KIF21B: variants seen among roughly 807,000 people sequenced by gnomAD.
The protein encoded by KIF21B is kinesin-like protein KIF21B.
Under a neutral mutation model 192.9 loss-of-function variants are expected in KIF21B, and 85 were observed. The ratio of observed to expected loss-of-function variants is 0.44; its 90% CI spans 0.37 to 0.53. The LOEUF is 0.53. KIF21B is among the 20% of genes least tolerant of loss of function. The pLI is 0.00. For missense variants in KIF21B, 1,716 were observed against 2,194.8 expected (o/e 0.78, Z 4.36); for synonymous variants, 832 against 884.6 (o/e 0.94, Z 1.05).
At chr1:201,004,708 G>T in intron 6 of KIF21B, 58 bp downstream of exon 6, 1 of 1,603,854 alleles carries the variant, frequency 6.2e-7, no homozygotes, top group Non-Finnish European at 8.5e-7. Flanking sequence ...CAGGGCCTTG[G>T]AGGGGTCTGA....
In KIF21B at chr1:200,975,314, C is replaced by T. The variant is rs117653405; in HGVS notation, c.4614+185G>A. Among the ~76,000 whole-genome samples the T allele has an allele frequency of 3.2e-4, 49 of 152,150 alleles. No homozygotes were observed. The East Asian group carries it at 8.9e-3, about 28-fold the overall frequency. ...AGGGAGATGTGGCATCAGGAGAGGCCGCGGGTAGGGAAGAAGGGAGGATGG... is the reference window on the plus strand; with the variant it reads ...AGGGAGATGTGGCATCAGGAGAGGCTGCGGGTAGGGAAGAAGGGAGGATGG... On this transcript the variant is annotated intron_variant, in intron 33 of 34. Transcript: ENST00000461742. This position sits in a 1 kb window ranked among gnomAD's most constrained non-coding sequence, Gnocchi z 4.3.
intron 6 of KIF21B, 100 bp from the exon 7 acceptor site, chr1:201,004,555 C>G (rs1286813408): frequency 8.4e-7 from 1 of 1,184,626 alleles, no homozygotes; most frequent in Non-Finnish European, 1.2e-6. Flanking sequence ...CTCTTTGGCC[C>G]CAGCAGCCCT....
chr1:201,011,722 G>C (rs1214100733), intron 1 of KIF21B, among the ~76,000 whole-genome samples: 1 of 152,196 alleles, frequency 6.6e-6, no homozygotes, highest in Non-Finnish European at 1.5e-5. Flanking sequence ...CCAAGTGCCT[G>C]GCCTGGGCAG....
chr1:201,005,273 C>G, intron 5 of KIF21B, 35 bp downstream of exon 5: 1 of 1,537,972 alleles, frequency 6.5e-7, no homozygotes, highest in Middle Eastern at 1.9e-4. Context: ...ACCCCTGCAG[C>G]AAGCTGGCTC....
intron 9 of KIF21B, chr1:201,001,827 C>CT (rs1657516570): frequency 3.0e-6 from 1 of 330,092 alleles, no homozygotes; most frequent in Non-Finnish European, 5.7e-6. Flanking sequence ...GAAACAAATA[C>CT]TGAGAAAGGT....
intron 5 of KIF21B, 58 bp from the exon 6 acceptor site, chr1:201,004,991 G>T: frequency 6.4e-7 from 1 of 1,554,852 alleles, no homozygotes; most frequent in South Asian, 1.2e-5. Flanking sequence ...TGGCTCCCCT[G>T]ATCACAGTAC....
Position 201,000,331 on chromosome 1 carries a change from G to C in KIF21B, c.1685+59C>G. 1 of 1,472,530 alleles carries C rather than the reference G, an allele frequency of 6.8e-7. No homozygotes were observed. The highest frequency in any genetic ancestry group is 9.1e-7 in the Non-Finnish European group (1 of 1,104,340). 91.2% of individuals were successfully genotyped at this position (1,472,530 alleles called of 1,614,324 possible). A position where few individuals can be genotyped will look rare whatever the true frequency, so the allele number is the denominator to read the frequency against. ...TGGGCAGCAGTCCTCCTTGGGGACG[G>C]GCAGGGTCCACTGGGGCGGTCTGAG... is the stretch of plus-strand genomic sequence containing the variant. On this transcript the variant is annotated intron_variant, in intron 11 of 34. Coordinates refer to ENST00000461742, the MANE Select transcript of KIF21B (RefSeq NM_001252102.2). This position sits in a 1 kb window ranked among gnomAD's most constrained non-coding sequence, Gnocchi z 6.0.
chr1:200,996,337 C>A lies in KIF21B; in HGVS notation c.2136G>T (p.Lys712Asn), dbSNP rs543715577. 2.5e-6 allele frequency: 4 copies of A among 1,614,154 alleles called. No homozygotes were observed. The highest frequency in any genetic ancestry group is 1.1e-5 in the South Asian group (1 of 91,082). ...KANKIKADYE[K>N]RLREMNRDLQ... Reference sequence around the variant, plus strand: ...GGTCCCGGTTCATCTCCCGCAGCCTCTTCTCATAGTCTGCCTTGATCTTGT... The same window carrying A: ...GGTCCCGGTTCATCTCCCGCAGCCTATTCTCATAGTCTGCCTTGATCTTGT... Residue 712 changes from lysine to asparagine, a missense_variant, in exon 15 of 35, where the codon AAG (lysine) becomes AAT (asparagine). Physicochemically the swap from Lys to Asn is moderately conservative, Grantham distance 94. Coordinates refer to ENST00000461742, the MANE Select transcript of KIF21B (RefSeq NM_001252102.2).
At chr1:201,007,802 A>ACACACATAGACACACAAGACACAGAGC (rs1657998820) in intron 3 of KIF21B, among the ~76,000 whole-genome samples, 2 of 151,940 alleles carry the variant, frequency 1.3e-5, no homozygotes, top group Admixed American at 1.3e-4. Flanking sequence ...ACACATAGAC[A>ACACACATAGACACACAAGACACAGAGC]CACACATAGA....
chr1:201,000,793 G>T lies in KIF21B; in HGVS notation c.1403-13C>A. ...TCATTGCCATCGCCTGGAGTGGGAC[G>T]GCGGGAAGAAGGGTGCGATAAAGAA... On this transcript the variant is annotated splice_polypyrimidine_tract_variant and intron_variant, in intron 9 of 34. Transcript: ENST00000461742. The surrounding 1 kb of genome is among the most constrained non-coding windows in gnomAD (Gnocchi z 6.0). 6.2e-7 allele frequency: 1 copy of T among 1,613,874 alleles called. No individual in the cohort carries two copies. Among genetic ancestry groups the T allele is most frequent in the Non-Finnish European group, 8.5e-7 (1 of 1,179,896 alleles).
Position 201,000,419 on chromosome 1 carries a change from C to A in KIF21B, c.1656G>T (p.Lys552Asn), listed in dbSNP as rs1225001720. Residue 552 changes from lysine to asparagine, a missense_variant, in exon 11 of 35, where the codon AAG becomes AAT. Transcript: ENST00000461742. This position sits in a 1 kb window ranked among gnomAD's most constrained non-coding sequence, Gnocchi z 6.0. ...RRAKQDLERL[K>N]KKEVRQRRKS... is the part of the protein sequence containing the mutation. ...TCCTCCGCTGCCTGACCTCCTTCTT[C>A]TTTAGCCGCTCCAGGTCCTGCTTGG... is the stretch of plus-strand genomic sequence containing the variant. 16 of 1,562,894 alleles carry A rather than the reference C, an allele frequency of 1.0e-5. No homozygotes were observed. The highest frequency in any genetic ancestry group is 1.4e-5 in the African/African-American group (1 of 72,488).
Position 200,986,880 on chromosome 1 carries a change from G to A in KIF21B, c.3653C>T (p.Thr1218Met), listed in dbSNP as rs777063474. Residue 1218 changes from threonine to methionine, a missense_variant, in exon 26 of 35, where the codon ACG (threonine) becomes ATG (methionine). Transcript: ENST00000461742. ...CCCTCGGTCGTAGGACTTCCTTCTCGTCAGCGGGGACGTCTCTGTGGCTCG... is the reference window on the plus strand; with the variant it reads ...CCCTCGGTCGTAGGACTTCCTTCTCATCAGCGGGGACGTCTCTGTGGCTCG... ...QSRATETSPLTRRKSYDRGQP... is the reference protein window; with the variant it reads ...QSRATETSPLMRRKSYDRGQP... 2.1e-4 allele frequency: 333 copies of A among 1,613,736 alleles called. 5 individuals carry two copies. The South Asian group carries it at 3.4e-3, about 16-fold the overall frequency.
Position 200,996,431 on chromosome 1 carries a change from C to T in KIF21B, c.2078-36G>A, listed in dbSNP as rs761245052. The T allele has an allele frequency of 1.1e-5, 18 of 1,586,914 alleles. No homozygotes were observed. In the Admixed American group the frequency reaches 2.8e-4, roughly 25 times the overall value. ...GGAGACGCAGCTGTCGGTGCTGGGT[C>T]CCTAAGGGCTCCCACTAAATACAGG... is the stretch of plus-strand genomic sequence containing the variant. On this transcript the variant is annotated intron_variant, in intron 14 of 34. Transcript: ENST00000461742.
In KIF21B at chr1:200,979,735, G is replaced by T; in HGVS notation, c.3980-20C>A. The T allele has an allele frequency of 6.7e-7, 1 of 1,492,796 alleles. No homozygotes were observed. The highest frequency in any genetic ancestry group is 9.0e-7 in the Non-Finnish European group (1 of 1,114,572). The allele number at this position is 1,492,796 out of a possible 1,614,324, so 92.5% of individuals were successfully genotyped here. Reference sequence around the variant, plus strand: ...TTCGGTCTGTGAGAGATGGGAGGAAGCCACAGGGAGGGGAGGGATGTCAGC... The same window carrying T: ...TTCGGTCTGTGAGAGATGGGAGGAATCCACAGGGAGGGGAGGGATGTCAGC... On this transcript the variant is annotated intron_variant, in intron 29 of 34. Coordinates refer to ENST00000461742, the MANE Select transcript of KIF21B (RefSeq NM_001252102.2).
At position 201,023,234 on chromosome 1, in the gene KIF21B, G is replaced by A; in HGVS notation, c.41+109C>T. 1.1e-6 allele frequency: 1 copy of A among 921,182 alleles called. No individual in the cohort carries two copies. Among genetic ancestry groups the A allele is most frequent in the Non-Finnish European group, 1.5e-6 (1 of 663,956 alleles). 57.1% of individuals were successfully genotyped at this position (921,182 alleles called of 1,614,324 possible). On this transcript the variant is annotated intron_variant, in intron 1 of 34. Transcript: ENST00000461742. This position sits in a 1 kb window ranked among gnomAD's most constrained non-coding sequence, Gnocchi z 5.9. ...CCCGTCCCACGCCGGCCCCTCCTCC[G>A]GGAGTGCAGGCTCCAGCCCAAGCGG...
intron 16 of KIF21B, 82 bp downstream of exon 16, chr1:200,992,200 T>C: frequency 7.8e-7 from 1 of 1,273,906 alleles, no homozygotes; most frequent in Non-Finnish European, 1.1e-6. Context: ...GCCCGCTTGG[T>C]CAGGAGGGGC....
chr1:200,998,569 T>C lies in KIF21B; in HGVS notation c.1892A>G (p.Asn631Ser), dbSNP rs1051364011. Residue 631 changes from asparagine (N) to serine (S), a missense_variant, in exon 14 of 35, where the codon AAC becomes AGC. Coordinates refer to ENST00000461742, the MANE Select transcript of KIF21B (RefSeq NM_001252102.2). The surrounding 1 kb of genome is among the most constrained non-coding windows in gnomAD (Gnocchi z 4.3). ...CAGGTCGGCCAGGTCCGCCTGGAAGTTCACCTCTATGGGGGCACAATCAGG... is the reference window on the plus strand; with the variant it reads ...CAGGTCGGCCAGGTCCGCCTGGAAGCTCACCTCTATGGGGGCACAATCAGG... ...SDSDPEEKEVNFQADLADLTC... is the reference protein window; with the variant it reads ...SDSDPEEKEVSFQADLADLTC... The C allele has an allele frequency of 2.3e-5, 37 of 1,613,324 alleles. No individual in the cohort carries two copies. Among genetic ancestry groups the C allele is most frequent in the Non-Finnish European group, 3.1e-5 (36 of 1,179,866 alleles).
At chr1:200,989,590 TAC>T (rs941826010) in intron 21 of KIF21B, among the ~76,000 whole-genome samples, 3 of 152,204 alleles carry the variant, frequency 2.0e-5, no homozygotes, top group African/African-American at 7.2e-5. Context: ...TACCCCCACA[TAC>T]ACACACTTCT....
At position 200,998,374 on chromosome 1, in the gene KIF21B, G is replaced by T; in HGVS notation, c.2077+10C>A. On this transcript the variant is annotated intron_variant, in intron 14 of 34. Transcript: ENST00000461742. The surrounding 1 kb of genome is among the most constrained non-coding windows in gnomAD (Gnocchi z 4.3). ...CCGGATGGGGTGGAGGGGCATGGCG[G>T]TGGCCTCACTGAGGTTCTGCAGCAC... 1 of 1,606,570 alleles carries T rather than the reference G, an allele frequency of 6.2e-7. No homozygotes were observed.
Sources: gnomAD v4.1 joint callset for allele counts (sites outside exome capture counted in the v4.1 genomes callset) on GRCh38, gnomAD v4.1.1 for gene constraint, Gnocchi (gnomAD v3.1) non-coding constraint, MANE v1.5 for transcripts, NCBI Gene and HGNC (gene_info 2026-07-23, HGNC 2026-07-21) for gene names.